GAS2L2: variants seen among roughly 807,000 people sequenced by gnomAD.
GAS2L2 encodes growth arrest specific 2 like 2.
GAS2L2 carries 21 observed loss-of-function variants against 35.2 expected under a neutral mutation model. The observed-to-expected ratio is 0.60, with a 90% CI of 0.42 to 0.86. The LOEUF (loss-of-function observed/expected upper bound fraction) is 0.86, where lower values mean the gene tolerates loss of function less well. Ranked by LOEUF, GAS2L2 falls within the 40% of genes least tolerant of loss-of-function variation. The pLI is 0.00. For missense variants in GAS2L2, 1,169 were observed against 1,144.4 expected (o/e 1.02, Z -0.31); for synonymous variants, 490 against 473.2 (o/e 1.04, Z -0.46).
Position 35,753,200 on chromosome 17 carries a change from C to T in GAS2L2, c.-350G>A, listed in dbSNP as rs2085714785. On this transcript the variant is annotated 5_prime_UTR_variant, in exon 1 of 6. Coordinates refer to ENST00000604641, the MANE Select transcript of GAS2L2 (RefSeq NM_139285.4). ...AGAGCTGGAGAGATCAAGCTGGCTG[C>T]CTCCTACCCTCTGCTGGCTGCGGCC... is the stretch of plus-strand genomic sequence containing the variant. 6.6e-6 allele frequency among the ~76,000 whole-genome samples: 1 copy of T among 152,212 alleles called. No individual in the cohort carries two copies. The highest frequency in any genetic ancestry group is 1.5e-5 in the Non-Finnish European group (1 of 68,052).
rs781925975 is a variant in GAS2L2, at chr17:35,747,928, C to T, written c.753G>A (p.Val251=). 1 of 1,613,830 alleles carries T rather than the reference C, an allele frequency of 6.2e-7. No homozygotes were observed. Among genetic ancestry groups the T allele is most frequent in the South Asian group, 1.1e-5 (1 of 91,062 alleles). ...CCCAGCCGCCCCCTACACGTACCAT[C>T]ACATGGTTCCGGAGGATCTGAGGGG... is the stretch of plus-strand genomic sequence containing the variant. The part of the protein sequence containing the change: ...LIFIRILRNH[V]MVRVGGGWDT... Residue 251 remains valine, a synonymous_variant, in exon 4 of 6, where the codon GTG becomes GTA. Coordinates refer to ENST00000604641, the MANE Select transcript of GAS2L2 (RefSeq NM_139285.4).
intron 4 of GAS2L2, 113 bp downstream of exon 4, chr17:35,747,736 A>ACCGCT: frequency 1.2e-6 from 1 of 824,814 alleles, no homozygotes; most frequent in Non-Finnish European, 2.0e-6. Context: ...CTCCCCACCT[A>ACCGCT]CCGCTCCCCT....
At chr17:35,748,382 G>A (rs1223804104) in intron 3 of GAS2L2, among the ~76,000 whole-genome samples, 1 of 152,236 alleles carries the variant, frequency 6.6e-6, no homozygotes, top group Non-Finnish European at 1.5e-5. Flanking sequence ...GTTGGGAAGT[G>A]GGGCCACAGG....
rs11654604 is a variant in GAS2L2 at position 35,750,213 on chromosome 17, G to A, written c.491C>T (p.Ala164Val). 0.15 allele frequency: 242,451 copies of A among 1,613,666 alleles called. 18,870 individuals carry two copies. The highest frequency in any genetic ancestry group is 0.22 in the Admixed American group (13,190 of 59,978). Residue 164 changes from alanine (A) to valine (V), a missense_variant, in exon 2 of 6, where the codon GCG becomes GTG. Physicochemically the swap from Ala to Val is moderately conservative, Grantham distance 64. This residue lies in a region of GAS2L2 where 1,035 missense variants were observed against 976.5 expected (regional missense o/e 1.06). Transcript: ENST00000604641. The stretch of plus-strand genomic sequence containing the variant: ...CTCCAGCTGCACGAGTGTGGGCGCC[G>A]CAACACCAAAGCGCCACGCCCGGCG... Reference protein sequence around the residue: ...LGRRAWRFGVAAPTLVQLEEE... With the variant: ...LGRRAWRFGVVAPTLVQLEEE...
In GAS2L2 at chr17:35,749,091, AC is replaced by A; in HGVS notation, c.735+18del. 1 of 1,543,116 alleles carries A rather than the reference AC, an allele frequency of 6.5e-7. No individual in the cohort carries two copies. Among genetic ancestry groups the A allele is most frequent in the Non-Finnish European group, 9.0e-7 (1 of 1,117,306 alleles). On this transcript the variant is annotated intron_variant, in intron 3 of 5. Transcript: ENST00000604641. ...GAAACCCTATTCTGGGGGTCCCTTG[AC>A]CCCCAGCCTGGACTTACCCGGATGA...
chr17:35,745,552 C>T lies in GAS2L2; in HGVS notation c.1945G>A (p.Gly649Ser). Residue 649 changes from glycine (G) to serine (S), a missense_variant, in exon 6 of 6, where the codon GGT (glycine) becomes AGT (serine). Gly to Ser is a moderately conservative substitution (Grantham distance 56, BLOSUM62 0). Coordinates refer to ENST00000604641, the MANE Select transcript of GAS2L2 (RefSeq NM_139285.4). ...RLAGQWPEPG[G>S]PYDKAIQELA... ...TCTTGGATGGCTTTGTCATAAGGAC[C>T]CCCAGGCTCAGGCCACTGCCCAGCC... 6.2e-6 allele frequency: 10 copies of T among 1,613,544 alleles called. No individual in the cohort carries two copies. Among genetic ancestry groups the T allele is most frequent in the Non-Finnish European group, 8.5e-6 (10 of 1,179,876 alleles).
chr17:35,752,596 G>A lies in GAS2L2; in HGVS notation c.255C>T (p.Ala85=). The A allele has an allele frequency of 6.2e-7, 1 of 1,613,806 alleles. No individual in the cohort carries two copies. Among genetic ancestry groups the A allele is most frequent in the Non-Finnish European group, 8.5e-7 (1 of 1,179,710 alleles). The change falls in exon 1 of 6, where the codon GCC becomes GCT. Residue 85 remains alanine, a synonymous_variant. Transcript: ENST00000604641. ...AALAFLAEAP[A]QAQKIPMPRV... Reference sequence around the variant, plus strand: ...GGGGCATGGGAATCTTCTGGGCTTGGGCAGGTGCCTCAGCCAGGAAGGCCA... The same window carrying A: ...GGGGCATGGGAATCTTCTGGGCTTGAGCAGGTGCCTCAGCCAGGAAGGCCA...
At position 35,747,877 on chromosome 17, in the gene GAS2L2, T is replaced by C. The variant is rs1555599251; in HGVS notation, c.804A>G (p.Lys268=). ...GGGATGTGCAGCGGCAGGGGTCATG[T>C]TTGTCCAGGTAATGGCCCAGTGTGT... ...GWDTLGHYLD[K]HDPCRCTSLS... is the part of the protein sequence containing the mutation. Residue 268 remains lysine, a synonymous_variant, in exon 4 of 6, where the codon AAA becomes AAG. Transcript: ENST00000604641. The C allele has an allele frequency of 5.6e-6, 9 of 1,613,882 alleles. No individual in the cohort carries two copies. Among genetic ancestry groups the C allele is most frequent in the African/African-American group, 1.3e-5 (1 of 74,990 alleles).
In GAS2L2 at chr17:35,749,496, C is replaced by G. The variant is rs587641208; in HGVS notation, c.628-279G>C. ...ACAGGCTCAGGTCAGTGCCCTGTAT[C>G]CACTGCATCATAGGCTTTTCATTAA... On this transcript the variant is annotated intron_variant, in intron 2 of 5. Coordinates refer to ENST00000604641, the MANE Select transcript of GAS2L2 (RefSeq NM_139285.4). Among the ~76,000 whole-genome samples the G allele has an allele frequency of 4.5e-4, 68 of 152,278 alleles. 1 individual carries two copies. The South Asian group carries it at 0.013, about 30-fold the overall frequency.
chr17:35,753,036 C>T lies in GAS2L2; in HGVS notation c.-186G>A, dbSNP rs2085713973. Reference sequence around the variant, plus strand: ...TTCAGCTGCCAGGCCTGGCCCAGCCCCTGCCCCCCCACATTCCTCAGTCCT... The same window carrying T: ...TTCAGCTGCCAGGCCTGGCCCAGCCTCTGCCCCCCCACATTCCTCAGTCCT... On this transcript the variant is annotated 5_prime_UTR_variant, in exon 1 of 6. Coordinates refer to ENST00000604641, the MANE Select transcript of GAS2L2 (RefSeq NM_139285.4). 2.0e-5 allele frequency among the ~76,000 whole-genome samples: 3 copies of T among 152,208 alleles called. No homozygotes were observed. The highest frequency in any genetic ancestry group is 4.4e-5 in the Non-Finnish European group (3 of 68,034).
At chr17:35,747,472 G>A (rs1052342581) in intron 4 of GAS2L2, among the ~76,000 whole-genome samples, 6 of 152,142 alleles carry the variant, frequency 3.9e-5, no homozygotes, top group South Asian at 2.1e-4. Context: ...TTTTTAGTGC[G>A]GGTACACAAC....
In GAS2L2 at chr17:35,753,018, GC is replaced by G; in HGVS notation, c.-169del. On this transcript the variant is annotated 5_prime_UTR_variant, in exon 1 of 6. It removes the in-frame stop codon of an upstream open reading frame in the 5' UTR. Coordinates refer to ENST00000604641, the MANE Select transcript of GAS2L2 (RefSeq NM_139285.4). ...CTGCTACTTGCCACTGGCTTCAGCT[GC>G]CAGGCCTGGCCCAGCCCCTGCCCCC... 1 of 692,072 alleles carries G rather than the reference GC, an allele frequency of 1.4e-6. No individual in the cohort carries two copies. The highest frequency in any genetic ancestry group is 2.4e-6 in the Non-Finnish European group (1 of 424,770). The allele number at this position is 692,072 out of a possible 1,614,324, so 42.9% of individuals were successfully genotyped here.
intron 3 of GAS2L2, among the ~76,000 whole-genome samples, chr17:35,748,282 C>T (rs2085682187): frequency 6.6e-6 from 1 of 152,234 alleles, no homozygotes; most frequent in Non-Finnish European, 1.5e-5. Flanking sequence ...CTGGCTTTGC[C>T]CCTGTGGCCT....
rs116032072 is a variant in GAS2L2, at chr17:35,745,741, G to A, written c.1756C>T (p.Arg586Trp). 126 of 1,613,792 alleles carry A rather than the reference G, an allele frequency of 7.8e-5. No homozygotes were observed. The African/African-American group carries it at 1.3e-3, about 17-fold the overall frequency. The change falls in exon 6 of 6, where the codon CGG becomes TGG. Residue 586 changes from arginine (R) to tryptophan (W), a missense_variant. Physicochemically the swap from Arg to Trp is moderately radical, Grantham distance 101. Coordinates refer to ENST00000604641, the MANE Select transcript of GAS2L2 (RefSeq NM_139285.4). The stretch of plus-strand genomic sequence containing the variant: ...CCGCCCAAGGGCAGAGGTGTGTACC[G>A]CCCCTCCTGCTCCTGTAGGCCCAGG... ...WDLGLQEQEG[R>W]YTPLPLGGNK... is the part of the protein sequence containing the mutation.
At position 35,750,215 on chromosome 17, in the gene GAS2L2, A is replaced by C; in HGVS notation, c.489T>G (p.Val163=). Residue 163 remains valine (V), a synonymous_variant, in exon 2 of 6, where the codon GTT becomes GTG. Transcript: ENST00000604641. ...CCAGCTGCACGAGTGTGGGCGCCGC[A>C]ACACCAAAGCGCCACGCCCGGCGGC... is the stretch of plus-strand genomic sequence containing the variant. The part of the protein sequence containing the change: ...ELGRRAWRFG[V]AAPTLVQLEE... The C allele has an allele frequency of 6.2e-7, 1 of 1,613,736 alleles. No homozygotes were observed. The highest frequency in any genetic ancestry group is 8.5e-7 in the Non-Finnish European group (1 of 1,179,818).
chr17:35,749,585 G>C (rs75083064), intron 2 of GAS2L2, among the ~76,000 whole-genome samples: 4,446 of 152,276 alleles, frequency 0.029, 96 homozygotes, highest in Non-Finnish European at 0.041. Flanking sequence ...CTGTGAAGTG[G>C]CCCTCTGTGC....
At chr17:35,750,459 C>G in intron 1 of GAS2L2, 141 bp from the exon 2 acceptor site, 4 of 1,207,396 alleles carry the variant, frequency 3.3e-6, no homozygotes, top group Non-Finnish European at 4.7e-6. Flanking sequence ...TGGTTTGGGT[C>G]TCAGAATCTT....
In GAS2L2 at chr17:35,746,075, G is replaced by A. The variant is rs150602043; in HGVS notation, c.1422C>T (p.Leu474=). The A allele has an allele frequency of 1.3e-6, 2 of 1,520,650 alleles. No individual in the cohort carries two copies. Among genetic ancestry groups the A allele is most frequent in the African/African-American group, 1.4e-5 (1 of 71,822 alleles). The allele number at this position is 1,520,650 out of a possible 1,614,324, so 94.2% of individuals were successfully genotyped here. A position where few individuals can be genotyped will look rare whatever the true frequency, so the allele number is the denominator to read the frequency against. ...PAECLGLRLP[L]RDEAKGAFFQ... is the part of the protein sequence containing the mutation. ...AGAACGCACCCTTGGCCTCATCCCG[G>A]AGTGGCAGCCTGAGGCCCAGGCACT... The change falls in exon 6 of 6, where the codon CTC becomes CTT. Residue 474 remains leucine, a synonymous_variant. Transcript: ENST00000604641.
At position 35,745,329 on chromosome 17, in the gene GAS2L2, C is replaced by T; in HGVS notation, c.2168G>A (p.Gly723Glu). 1 of 1,610,000 alleles carries T rather than the reference C, an allele frequency of 6.2e-7. No homozygotes were observed. The highest frequency in any genetic ancestry group is 8.5e-7 in the Non-Finnish European group (1 of 1,177,522). ...GTHMRKVPPQ[G>E]GQDCSASTVS... Reference sequence around the variant, plus strand: ...AGTAGAAGCCGAGCAGTCCTGCCCTCCCTGAGGTGGGACCTTCCTCATGTG... The same window carrying T: ...AGTAGAAGCCGAGCAGTCCTGCCCTTCCTGAGGTGGGACCTTCCTCATGTG... The change falls in exon 6 of 6, where the codon GGA becomes GAA. Residue 723 changes from glycine (G) to glutamate (E), a missense_variant. Transcript: ENST00000604641.
Sources: allele counts gnomAD v4.1 joint callset (sites outside exome capture counted in the v4.1 genomes callset), GRCh38; gene constraint gnomAD v4.1.1; regional missense constraint gnomAD v4.1.1; transcripts MANE v1.5; gene names NCBI Gene and HGNC (gene_info 2026-07-23, HGNC 2026-07-21).